ASXL2: variants seen among roughly 807,000 people sequenced by gnomAD.
ASXL2 encodes the protein putative Polycomb group protein ASXL2.
A neutral mutation model predicts 122.0 loss-of-function variants in ASXL2; 23 were observed. The observed-to-expected ratio is 0.19, with a 90% CI of 0.14 to 0.27. The LOEUF is 0.27. Ranked by LOEUF, ASXL2 falls within the 10% of genes least tolerant of loss-of-function variation. ASXL2 has a pLI of 1.00. For missense variants in ASXL2, 1,518 were observed against 1,713.8 expected (o/e 0.89, Z 2.02); for synonymous variants, 650 against 637.0 (o/e 1.02, Z -0.31).
intron 5 of ASXL2, among the ~76,000 whole-genome samples, chr2:25,781,739 G>A (rs1040483436): frequency 2.7e-5 from 4 of 146,740 alleles, no homozygotes; most frequent in Admixed American, 1.4e-4. Flanking sequence ...GCACTATCTC[G>A]GCTCACGCAG....
rs756787644 is a variant in ASXL2, at chr2:25,744,216, C to A, written c.2121G>T (p.Gly707=). 17 of 1,614,010 alleles carry A rather than the reference C, an allele frequency of 1.1e-5. No homozygotes were observed. Among genetic ancestry groups the A allele is most frequent in the Non-Finnish European group, 1.4e-5 (17 of 1,179,880 alleles). The change falls in exon 13 of 13, where the codon GGG becomes GGT. Residue 707 remains glycine, a synonymous_variant. Coordinates refer to ENST00000435504, the MANE Select transcript of ASXL2 (RefSeq NM_018263.6). The surrounding 1 kb of genome is among the most constrained non-coding windows in gnomAD (Gnocchi z 4.7). ...CTGGACTGCCTCCTCTAGCAGTCTG[C>A]CCTTCACCACCCTCTCCTGGACCTT... ...GGQGPGEGGE[G]QTARGGSPGS...
chr2:25,769,903 T>C (rs1044596240), intron 6 of ASXL2, among the ~76,000 whole-genome samples: 3 of 152,210 alleles, frequency 2.0e-5, no homozygotes, highest in South Asian at 2.1e-4. Flanking sequence ...TCACTCTAAG[T>C]TGCCAATGCA....
rs750947456 is a variant in ASXL2 at position 25,750,177 on chromosome 2, G to A, written c.1379C>T (p.Ser460Phe). The A allele has an allele frequency of 3.1e-6, 5 of 1,613,848 alleles. No individual in the cohort carries two copies. Among genetic ancestry groups the A allele is most frequent in the Admixed American group, 1.7e-5 (1 of 59,996 alleles). ...QGEVQPNFST[S>F]SEPLLSSALN... ...AGCTGAGGAAAGCAGGGGCTCTGAA[G>A]ATGTGGAGAAGTTCGGCTGCACTTC... The change falls in exon 12 of 13, where the codon TCT becomes TTT. Residue 460 changes from serine to phenylalanine, a missense_variant. Around this residue, in one of 8 missense-constraint regions of ASXL2, gnomAD observed 292 missense variants for 293.5 expected, o/e 1.00. Coordinates refer to ENST00000435504, the MANE Select transcript of ASXL2 (RefSeq NM_018263.6).
chr2:25,740,475 A>G lies in ASXL2; in HGVS notation c.*1554T>C, dbSNP rs1400744211. The G allele has an allele frequency of 4.4e-6, 1 of 228,086 alleles. No homozygotes were observed. The highest frequency in any genetic ancestry group is 8.7e-6 in the Non-Finnish European group (1 of 114,936). 14.1% of individuals were successfully genotyped at this position (228,086 alleles called of 1,614,324 possible). On this transcript the variant is annotated 3_prime_UTR_variant, in exon 13 of 13. Transcript: ENST00000435504. ...TGTACTTTACCCATTCCAAATTAGG[A>G]GACTTGAAATCAATATGCAAATGAT...
In ASXL2 at chr2:25,781,959, C is replaced by CTTTTTTTTTTTTTTTT. The variant is rs1327580113; in HGVS notation, c.404-10420_404-10419insAAAAAAAAAAAAAAAA. 4.5e-5 allele frequency among the ~76,000 whole-genome samples: 4 copies of CTTTTTTTTTTTTTTTT among 88,400 alleles called. 1 individual carries two copies. Among genetic ancestry groups the CTTTTTTTTTTTTTTTT allele is most frequent in the Non-Finnish European group, 7.0e-5 (3 of 42,690 alleles). The allele number at this position is 88,400 out of a possible 152,430, so 58.0% of individuals were successfully genotyped here. A position where few individuals can be genotyped will look rare whatever the true frequency, so the allele number is the denominator to read the frequency against. On this transcript the variant is annotated intron_variant, in intron 5 of 12. Transcript: ENST00000435504. ...TAACAGGCGTGAGCCACCGCCCGGG[C>CTTTTTTTTTTTTTTTT]TTTTTTCTTTTTTTTTTTTTTTTTT...
rs112443537 is a variant in ASXL2, at chr2:25,812,185, G to A, written c.144-5848C>T. ...TTTCAAAAAAAAAAAAAGGCTGGCC[G>A]CAGTGGCTCGCGTCTATAATCCCAG... On this transcript the variant is annotated intron_variant, in intron 3 of 12. Coordinates refer to ENST00000435504, the MANE Select transcript of ASXL2 (RefSeq NM_018263.6). 8.3e-3 allele frequency among the ~76,000 whole-genome samples: 1,244 copies of A among 149,296 alleles called. 9 individuals carry two copies. The highest frequency in any genetic ancestry group is 0.022 in the African/African-American group (889 of 40,706).
chr2:25,773,764 C>T (rs776602409), intron 5 of ASXL2, among the ~76,000 whole-genome samples: 30 of 151,762 alleles, frequency 2.0e-4, no homozygotes, highest in Non-Finnish European at 3.5e-4. Context: ...CAGCTGGGCA[C>T]GGCGGCTCAC....
rs193005371 is a variant in ASXL2 at position 25,820,564 on chromosome 2, T to C, written c.144-14227A>G. Among the ~76,000 whole-genome samples, 441 of 152,268 alleles carry C rather than the reference T, an allele frequency of 2.9e-3. 8 individuals carry two copies. Among genetic ancestry groups the C allele is most frequent in the Non-Finnish European group, 9.4e-4 (64 of 68,022 alleles). On this transcript the variant is annotated intron_variant, in intron 3 of 12. Transcript: ENST00000435504. ...ATGAATGTCCAGATATGGCCAAACT[T>C]ACAGAGACAGAAAGTAGATTACAGG...
Position 25,743,556 on chromosome 2 carries a change from T to C in ASXL2, c.2781A>G (p.Lys927=). The C allele has an allele frequency of 6.2e-7, 1 of 1,613,946 alleles. No homozygotes were observed. The highest frequency in any genetic ancestry group is 8.5e-7 in the Non-Finnish European group (1 of 1,179,886). ...TCATGTTTAAAGAAGTTCCTGGGGT[T>C]TTAAGGCTAGAAGCTGCTGGCAAAG... ...SSTLPAASSL[K]TPGTSLNMNG... is the part of the protein sequence containing the mutation. The change falls in exon 13 of 13, where the codon AAA becomes AAG. Residue 927 remains lysine (K), a synonymous_variant. Transcript: ENST00000435504.
At chr2:25,771,397 T>C (rs2088451610) in intron 6 of ASXL2, 43 bp downstream of exon 6, 7 of 1,547,704 alleles carry the variant, frequency 4.5e-6, no homozygotes, top group South Asian at 3.5e-5. Context: ...GCGTTTTAAA[T>C]ACAGGAAATT....
At chr2:25,822,221 CAGTA>C (rs2149182066) in intron 3 of ASXL2, among the ~76,000 whole-genome samples, 1 of 152,308 alleles carries the variant, frequency 6.6e-6, no homozygotes, top group South Asian at 2.1e-4. Flanking sequence ...AAAAATTTAA[CAGTA>C]AGTCCTCGGG....
chr2:25,861,618 T>C (rs1299392869), intron 1 of ASXL2, among the ~76,000 whole-genome samples: 1 of 152,220 alleles, frequency 6.6e-6, no homozygotes, highest in Non-Finnish European at 1.5e-5. Context: ...TTACAGTGAT[T>C]TGATTTTTCA....
At chr2:25,765,223 T>C (rs113306216) in intron 8 of ASXL2, among the ~76,000 whole-genome samples, 4,862 of 152,206 alleles carry the variant, frequency 0.032, 253 homozygotes, top group African/African-American at 0.11. Context: ...CGGTGGCTCA[T>C]GCCTGTAATC....
chr2:25,799,282 G>A (rs2088959624), intron 5 of ASXL2, 103 bp downstream of exon 5: 1 of 1,503,114 alleles, frequency 6.7e-7, no homozygotes, highest in East Asian at 2.3e-5. Flanking sequence ...AGAGGGTAAG[G>A]GAAAGTGACT....
At chr2:25,858,732 A>AT (rs2089811235) in intron 1 of ASXL2, among the ~76,000 whole-genome samples, 1 of 151,916 alleles carries the variant, frequency 6.6e-6, no homozygotes, top group Non-Finnish European at 1.5e-5. Context: ...AAAAAAAAAA[A>AT]ATTTAAAGCC....
chr2:25,782,956 C>T (rs1200725779), intron 5 of ASXL2, among the ~76,000 whole-genome samples: 1 of 151,918 alleles, frequency 6.6e-6, no homozygotes, highest in African/African-American at 2.4e-5. Context: ...GGTGAAACCC[C>T]ATATCTACTA....
intron 2 of ASXL2, among the ~76,000 whole-genome samples, chr2:25,839,958 AG>A (rs1574442292): frequency 1.3e-5 from 2 of 149,326 alleles, no homozygotes; most frequent in Non-Finnish European, 3.0e-5. Flanking sequence ...CTCAAACCCC[AG>A]GCCTCAAGTA....
chr2:25,779,702 A>T (rs184211439), intron 5 of ASXL2, among the ~76,000 whole-genome samples: 80 of 152,310 alleles, frequency 5.3e-4, no homozygotes, highest in African/African-American at 1.7e-3. Flanking sequence ...TACATTAAAA[A>T]TTTTAAATTA....
intron 4 of ASXL2, among the ~76,000 whole-genome samples, chr2:25,805,351 A>T (rs150765978): frequency 0.019 from 2,888 of 152,030 alleles, 294 homozygotes; most frequent in Admixed American, 0.16. Flanking sequence ...TATTATACAA[A>T]TGTTGTGGGG....
Sources: gnomAD v4.1 joint callset for allele counts (sites outside exome capture counted in the v4.1 genomes callset) on GRCh38, gnomAD v4.1.1 for gene constraint, gnomAD v4.1.1 regional missense constraint, Gnocchi (gnomAD v3.1) non-coding constraint, MANE v1.5 for transcripts, NCBI Gene and HGNC (gene_info 2026-07-23, HGNC 2026-07-21) for gene names.